Variants in COL4A1 observed in about 807,000 individuals in gnomAD.
The protein encoded by COL4A1 is collagen alpha-1(IV) chain.
COL4A1 carries 40 observed loss-of-function variants against 216.6 expected under a neutral mutation model. The ratio of observed to expected loss-of-function variants is 0.18; its 90% CI spans 0.14 to 0.24. The LOEUF is 0.24. COL4A1 is among the 10% of genes least tolerant of loss of function. The probability of loss-of-function intolerance (pLI) is 1.00; values close to 1 mark genes in which losing one functional copy is unlikely to be tolerated. For synonymous variants in COL4A1, 839 were observed against 810.7 expected, an observed-to-expected ratio of 1.03 and a Z score of -0.59; for missense variants, 1,628 against 2,196.8, an observed-to-expected ratio of 0.74 and a Z score of 5.18.
intron 23 of COL4A1, among the ~76,000 whole-genome samples, chr13:110,192,570 T>C (rs1210979567): frequency 6.6e-6 from 1 of 152,170 alleles, no homozygotes; most frequent in African/African-American, 2.4e-5. Flanking sequence ...TTCCATTAAC[T>C]GCTTGTGAGA....
At position 110,247,818 on chromosome 13, in the gene COL4A1, TG is replaced by T; in HGVS notation, c.85-5085del. 3.3e-5 allele frequency among the ~76,000 whole-genome samples: 4 copies of T among 120,274 alleles called. No homozygotes were observed. In the East Asian group the frequency reaches 1.0e-3, roughly 31 times the overall value. The allele number at this position is 120,274 out of a possible 152,430, so 78.9% of individuals were successfully genotyped here. A position where few individuals can be genotyped will look rare whatever the true frequency, so the allele number is the denominator to read the frequency against. On this transcript the variant is annotated intron_variant, in intron 1 of 51. Transcript: ENST00000375820. ...GTGTGTGTGTGTGTGTGTGTGTGTGTGTGTGTGTGTGTGTGTGGCAGAGAGA... is the reference window on the plus strand; with the variant it reads ...GTGTGTGTGTGTGTGTGTGTGTGTGTTGTGTGTGTGTGTGTGGCAGAGAGA...
chr13:110,210,910 C>G (rs74126116), intron 8 of COL4A1, among the ~76,000 whole-genome samples: 1,544 of 152,284 alleles, frequency 0.01, 25 homozygotes, highest in African/African-American at 0.035. Context: ...GCCCACCTCA[C>G]TCTGCAGGTT....
At chr13:110,243,974 A>T (rs1343438875) in intron 1 of COL4A1, among the ~76,000 whole-genome samples, 2 of 152,374 alleles carry the variant, frequency 1.3e-5, no homozygotes, top group East Asian at 3.9e-4. Context: ...TCCCAATTTT[A>T]AACCATGACA....
chr13:110,254,577 G>A (rs950446782), intron 1 of COL4A1, among the ~76,000 whole-genome samples: 2 of 152,110 alleles, frequency 1.3e-5, no homozygotes, highest in African/African-American at 4.8e-5. Flanking sequence ...CAAGCATGAC[G>A]GACATGCAAC....
intron 1 of COL4A1, among the ~76,000 whole-genome samples, chr13:110,251,811 G>A (rs912330749): frequency 3.3e-5 from 5 of 152,184 alleles, no homozygotes; most frequent in Non-Finnish European, 7.3e-5. Context: ...GATCTTGGCC[G>A]CACAGCCTGA....
At chr13:110,181,985 A>G (rs1287813569) in intron 28 of COL4A1, among the ~76,000 whole-genome samples, 1 of 152,126 alleles carries the variant, frequency 6.6e-6, no homozygotes, top group Admixed American at 6.5e-5. Context: ...ACACACCCGA[A>G]TCACATCTTC....
chr13:110,218,957 T>C (rs1376752135), intron 2 of COL4A1, among the ~76,000 whole-genome samples: 1 of 152,220 alleles, frequency 6.6e-6, no homozygotes, highest in Non-Finnish European at 1.5e-5. Flanking sequence ...TGCAGAACTC[T>C]TTCCGAAATT....
intron 1 of COL4A1, among the ~76,000 whole-genome samples, chr13:110,261,819 G>A (rs908035339): frequency 6.6e-6 from 1 of 152,234 alleles, no homozygotes; most frequent in Non-Finnish European, 1.5e-5. Context: ...GCCTGGTGCA[G>A]TGCCTGCCAC....
chr13:110,196,688 T>C (rs947023254), intron 21 of COL4A1, among the ~76,000 whole-genome samples: 1 of 152,212 alleles, frequency 6.6e-6, no homozygotes, highest in African/African-American at 2.4e-5. Flanking sequence ...AGTTCTAAAG[T>C]GCAAATCTAG....
At chr13:110,304,127 C>CA (rs1163189379) in intron 1 of COL4A1, among the ~76,000 whole-genome samples, 2 of 152,142 alleles carry the variant, frequency 1.3e-5, no homozygotes, top group Non-Finnish European at 2.9e-5. Context: ...TATGTCCCTT[C>CA]ACCCTAGTCC....
At chr13:110,219,730 A>ATATATGTATATACATATGTG (rs1566385199) in intron 2 of COL4A1, among the ~76,000 whole-genome samples, 1 of 119,158 alleles carries the variant, frequency 8.4e-6, no homozygotes, top group African/African-American at 3.5e-5. Flanking sequence ...ATATGTGTGT[A>ATATATGTATATACATATGTG]TATATATGTA....
chr13:110,232,937 G>A (rs935237158), intron 2 of COL4A1, among the ~76,000 whole-genome samples: 1 of 152,114 alleles, frequency 6.6e-6, no homozygotes, highest in Admixed American at 6.5e-5. Context: ...TTTTACGGTG[G>A]GCAGAACTAG....
At chr13:110,283,739 G>A (rs950225604) in intron 1 of COL4A1, among the ~76,000 whole-genome samples, 3 of 152,178 alleles carry the variant, frequency 2.0e-5, no homozygotes, top group East Asian at 3.9e-4. Flanking sequence ...CTCATCTGGG[G>A]CTCACCATGC....
intron 1 of COL4A1, among the ~76,000 whole-genome samples, chr13:110,279,374 T>C (rs1454089184): frequency 5.3e-5 from 8 of 152,212 alleles, no homozygotes; most frequent in Non-Finnish European, 4.4e-5. Context: ...ACGGGCTCCT[T>C]CTCTGAGCTC....
At chr13:110,162,025 T>C (rs1877108091) in intron 48 of COL4A1, 3 of 652,886 alleles carry the variant, frequency 4.6e-6, no homozygotes, top group Non-Finnish European at 2.7e-6. Context: ...TTGCCATTAG[T>C]AATACAGCAG....
chr13:110,170,929 A>G (rs963920021), intron 41 of COL4A1, among the ~76,000 whole-genome samples, 197 bp from the exon 42 acceptor site: 2 of 152,186 alleles, frequency 1.3e-5, no homozygotes, highest in African/African-American at 2.4e-5. Flanking sequence ...GAATCCGACC[A>G]TGGCCTGGCT....
intron 2 of COL4A1, among the ~76,000 whole-genome samples, chr13:110,224,073 TG>T (rs1456307089): frequency 6.6e-6 from 1 of 152,212 alleles, no homozygotes; most frequent in African/African-American, 2.4e-5. Context: ...CATAAATGAA[TG>T]CTTCCAACTT....
intron 1 of COL4A1, among the ~76,000 whole-genome samples, chr13:110,248,243 G>A (rs982233061): frequency 2.6e-5 from 4 of 152,190 alleles, no homozygotes; most frequent in Non-Finnish European, 2.9e-5. Context: ...GCAAGAGACT[G>A]TATCTTAGGG....
intron 2 of COL4A1, among the ~76,000 whole-genome samples, chr13:110,218,186 G>T (rs1278931612): frequency 7.5e-6 from 1 of 133,550 alleles, no homozygotes; most frequent in African/African-American, 2.8e-5. Flanking sequence ...CCTAGAATAA[G>T]CAGTCATCAA....
Sources: allele counts gnomAD v4.1 joint callset (sites outside exome capture counted in the v4.1 genomes callset), GRCh38; gene constraint gnomAD v4.1.1; transcripts MANE v1.5; gene names NCBI Gene and HGNC (gene_info 2026-07-23, HGNC 2026-07-21).